ITFG2: variants seen among roughly 807,000 people sequenced by gnomAD.
ITFG2 encodes integrin alpha FG-GAP repeat containing 2.
A neutral mutation model predicts 54.4 loss-of-function variants in ITFG2; 36 were observed. The observed-to-expected ratio is 0.66, with a 90% CI of 0.51 to 0.87. The LOEUF (loss-of-function observed/expected upper bound fraction) is 0.87. Ranked by LOEUF, ITFG2 falls within the 40% of genes least tolerant of loss-of-function variation. The pLI, the probability that ITFG2 is intolerant of heterozygous loss-of-function variation, is 0.00. For missense variants in ITFG2, 524 were observed against 576.7 expected (o/e 0.91, Z 0.94); for synonymous variants, 211 against 225.4 (o/e 0.94, Z 0.57).
intron 2 of ITFG2, chr12:2,854,998 A>C (rs868560280): frequency 5.2e-6 from 8 of 1,536,012 alleles, no homozygotes; most frequent in Non-Finnish European, 7.0e-6. Flanking sequence ...CAACTCCTTC[A>C]CTGTCCTGAA....
chr12:2,823,798 C>A lies in ITFG2; in HGVS notation c.1095C>A (p.Asn365Lys). The part of the protein sequence containing the change: ...AGLYACKEGR[N>K]SPCLVYVTFN... The stretch of plus-strand genomic sequence containing the variant: ...TGTACGCCTGCAAAGAGGGCCGCAA[C>A]AGCCCCTGCCTCGTATATGTCACTT... The change falls in exon 11 of 12, where the codon AAC becomes AAA. Residue 365 changes from asparagine (N) to lysine (K), a missense_variant. Transcript: ENST00000228799. The A allele has an allele frequency of 6.3e-7, 1 of 1,585,676 alleles. No individual in the cohort carries two copies. The highest frequency in any genetic ancestry group is 1.2e-5 in the South Asian group (1 of 86,790).
rs149143574 is a variant in ITFG2, at chr12:2,824,385, G to A, written c.*192G>A. The A allele has an allele frequency of 8.4e-3, 5,772 of 686,106 alleles. 51 individuals carry two copies. Among genetic ancestry groups the A allele is most frequent in the Non-Finnish European group, 0.012 (4,456 of 380,008 alleles). The allele number at this position is 686,106 out of a possible 1,614,324, so 42.5% of individuals were successfully genotyped here. On this transcript the variant is annotated 3_prime_UTR_variant, in exon 12 of 12. Coordinates refer to ENST00000228799, the MANE Select transcript of ITFG2 (RefSeq NM_018463.4). ...TCGCAGTCTTTTCGGTGAAAGAAGA[G>A]ACAAGTTGACCCTCTGCCCATTTCC...
Position 2,824,668 on chromosome 12 carries a change from GTT to G in ITFG2, c.*478_*479del, listed in dbSNP as rs555858975. 5.8e-5 allele frequency: 11 copies of G among 188,042 alleles called. No individual in the cohort carries two copies. The highest frequency in any genetic ancestry group is 1.0e-4 in the Non-Finnish European group (9 of 89,318). 11.6% of individuals were successfully genotyped at this position (188,042 alleles called of 1,614,324 possible). ...GTAATTGTTAAAGGAATGGCAAACTGTTTTGTTTTGAAGGATCTTTCTACAGT... is the reference window on the plus strand; with the variant it reads ...GTAATTGTTAAAGGAATGGCAAACTGTTGTTTTGAAGGATCTTTCTACAGT... On this transcript the variant is annotated 3_prime_UTR_variant, in exon 12 of 12. Transcript: ENST00000228799.
rs1423853468 is a variant in ITFG2 at position 2,823,163 on chromosome 12, A to G, written c.1066+252A>G. Among the ~76,000 whole-genome samples the G allele has an allele frequency of 6.6e-5, 10 of 152,290 alleles. No homozygotes were observed. The South Asian group carries it at 2.1e-3, about 32-fold the overall frequency. On this transcript the variant is annotated intron_variant, in intron 10 of 11. Coordinates refer to ENST00000228799, the MANE Select transcript of ITFG2 (RefSeq NM_018463.4). ...TGGTCACTACATTGCCATCTTGACA[A>G]TTTTAAATAAGAAGAAATAAAAGAC...
chr12:2,842,046 G>T (rs1401479934), intron 2 of ITFG2, among the ~76,000 whole-genome samples: 1 of 149,840 alleles, frequency 6.7e-6, no homozygotes, highest in Non-Finnish European at 1.5e-5. Context: ...GATCTATTGG[G>T]TTAAATAAAA....
At chr12:2,842,713 C>T (rs2098044446) in intron 2 of ITFG2, among the ~76,000 whole-genome samples, 1 of 152,148 alleles carries the variant, frequency 6.6e-6, no homozygotes, top group Non-Finnish European at 1.5e-5. Flanking sequence ...GCCTGGGTTA[C>T]AGAGTGAGAC....
chr12:2,827,447 G>C (rs192605458), downstream of ITFG2: 486 of 1,527,268 alleles, frequency 3.2e-4, 1 homozygote, highest in East Asian at 9.5e-3. The surrounding 1 kb of genome is among the most constrained non-coding windows in gnomAD (Gnocchi z 4.0). Flanking sequence ...CCTGTTGAAG[G>C]GGGTGACCCA....
chr12:2,834,644 A>G (rs750589261), upstream of ITFG2: 1 of 1,586,810 alleles, frequency 6.3e-7, no homozygotes, highest in Non-Finnish European at 8.6e-7. Context: ...TGCCTCACCA[A>G]GTCCTTGGAG....
rs768143956 is a variant in ITFG2, at chr12:2,830,791, G to A, written c.*60-43G>A. 7.4e-6 allele frequency: 12 copies of A among 1,613,626 alleles called. No homozygotes were observed. The highest frequency in any genetic ancestry group is 3.3e-5 in the Admixed American group (2 of 59,976). ...TGGCCATGAATCAGGTCCTGCATCC[G>A]GGGAGGCTCCCCCTGAAGCCAATTC... On this transcript the variant is annotated intron_variant and NMD_transcript_variant, in intron 2 of 2. Coordinates refer to the ITFG2 transcript ENST00000538822.
chr12:2,855,431 C>A (rs1488562922), intron 2 of ITFG2: 1 of 1,470,576 alleles, frequency 6.8e-7, no homozygotes. Context: ...GGGAGGGACT[C>A]GCTGGCCTGG....
At chr12:2,855,654 A>G (rs1264500268) in intron 2 of ITFG2, among the ~76,000 whole-genome samples, 1 of 152,030 alleles carries the variant, frequency 6.6e-6, no homozygotes, top group African/African-American at 2.4e-5. Context: ...ACAGTCACTC[A>G]TCTTTTGATC....
chr12:2,833,238 G>A (rs1440544069), upstream of ITFG2, among the ~76,000 whole-genome samples: 10 of 152,092 alleles, frequency 6.6e-5, no homozygotes, highest in African/African-American at 2.4e-4. Flanking sequence ...TTCTCCTGGG[G>A]CCAAACACAT....
Position 2,820,236 on chromosome 12 carries a change from GAC to G in ITFG2, c.546+12_546+13del. 1 of 1,575,874 alleles carries G rather than the reference GAC, an allele frequency of 6.3e-7. No individual in the cohort carries two copies. Among genetic ancestry groups the G allele is most frequent in the Non-Finnish European group, 8.6e-7 (1 of 1,161,734 alleles). ...ATGCTGGAGGGTCAGGTAAGAAGCT[GAC>G]TCTGGGGAACAAGGCCCCAGGGAGC... is the stretch of plus-strand genomic sequence containing the variant. On this transcript the variant is annotated intron_variant, in intron 5 of 11. Coordinates refer to ENST00000228799, the MANE Select transcript of ITFG2 (RefSeq NM_018463.4).
chr12:2,816,180 A>G (rs1474197732), intron 1 of ITFG2, among the ~76,000 whole-genome samples: 1 of 148,660 alleles, frequency 6.7e-6, no homozygotes, highest in Admixed American at 6.7e-5. Context: ...ACAGGTGTGT[A>G]CCACCACGCT....
intron 2 of ITFG2, among the ~76,000 whole-genome samples, chr12:2,853,418 G>T (rs190483576): frequency 5.9e-5 from 9 of 151,890 alleles, no homozygotes; most frequent in Admixed American, 2.6e-4. Flanking sequence ...GATTACAGGC[G>T]CCTGCCACCA....
intron 1 of ITFG2, 102 bp downstream of exon 1, chr12:2,812,958 C>T: frequency 3.2e-6 from 3 of 943,228 alleles, no homozygotes; most frequent in Non-Finnish European, 5.0e-6. Flanking sequence ...CGTGAGCATG[C>T]GCGCTGTGGC....
At chr12:2,850,541 T>C (rs2098066778) in intron 2 of ITFG2, among the ~76,000 whole-genome samples, 1 of 151,482 alleles carries the variant, frequency 6.6e-6, no homozygotes, top group Middle Eastern at 3.2e-3. Flanking sequence ...TACATGTAAA[T>C]GTTGTATTTC....
chr12:2,821,005 GC>G, intron 6 of ITFG2, 133 bp downstream of exon 6: 1 of 938,512 alleles, frequency 1.1e-6, no homozygotes, highest in Non-Finnish European at 1.6e-6. Context: ...AAGCACCTTT[GC>G]CCCACTGGGG....
At chr12:2,828,433 G>C (rs752271391), downstream of ITFG2, 1 of 1,603,350 alleles carries the variant, frequency 6.2e-7, no homozygotes, top group South Asian at 1.1e-5. Flanking sequence ...GAAGAATCGT[G>C]GTGAATCAGT....
Sources: allele counts gnomAD v4.1 joint callset (sites outside exome capture counted in the v4.1 genomes callset), GRCh38; gene constraint gnomAD v4.1.1; non-coding constraint Gnocchi (gnomAD v3.1); transcripts MANE v1.5; gene names NCBI Gene and HGNC (gene_info 2026-07-23, HGNC 2026-07-21).